The following CCDC33 variants were observed in gnomAD, a reference collection of about 807,000 sequenced individuals.
CCDC33 encodes the protein coiled-coil domain-containing protein 33.
In CCDC33, 94 loss-of-function variants were observed where a neutral mutation model predicts 91.9. That is an observed-to-expected ratio of 1.02 (90% CI 0.87 to 1.21). CCDC33 has a LOEUF of 1.21. CCDC33 is among the 50% of genes most tolerant of loss of function. The probability of loss-of-function intolerance (pLI) is 0.00; values close to 1 mark genes in which losing one functional copy is unlikely to be tolerated. For synonymous variants in CCDC33, 396 were observed against 374.5 expected (o/e 1.06, Z -0.66); for missense variants, 940 against 935.5 (o/e 1.00, Z -0.06).
At chr15:74,256,006 C>T (rs538116895) in intron 2 of CCDC33, among the ~76,000 whole-genome samples, 1 of 152,392 alleles carries the variant, frequency 6.6e-6, no homozygotes, top group Admixed American at 6.5e-5. Flanking sequence ...CAGCAAACAC[C>T]TGCTGGGCCC....
At chr15:74,220,941 G>GA (rs1362240468) in intron 2 of CCDC33, among the ~76,000 whole-genome samples, 9 of 152,174 alleles carry the variant, frequency 5.9e-5, no homozygotes, top group African/African-American at 2.2e-4. Context: ...CTGCTACTTG[G>GA]AGGCTCAAAG....
At chr15:74,276,678 C>G (rs1293550335) in intron 7 of CCDC33, among the ~76,000 whole-genome samples, 3 of 152,364 alleles carry the variant, frequency 2.0e-5, no homozygotes, top group Non-Finnish European at 1.5e-5. Flanking sequence ...GCCCTGTGCC[C>G]TCCAGCCTCC....
chr15:74,236,794 G>T, intron 1 of CCDC33, 54 bp downstream of exon 1: 1 of 1,571,938 alleles, frequency 6.4e-7, no homozygotes. Context: ...CTCCTTCAAA[G>T]TCCTTCCTTC....
At chr15:74,259,822 C>T (rs900884051) in intron 2 of CCDC33, among the ~76,000 whole-genome samples, 5 of 152,214 alleles carry the variant, frequency 3.3e-5, no homozygotes, top group African/African-American at 1.2e-4. Flanking sequence ...TGACTTCACA[C>T]CTTCATTTGT....
chr15:74,224,111 G>T (rs74854826), intron 2 of CCDC33, among the ~76,000 whole-genome samples: 2 of 152,266 alleles, frequency 1.3e-5, no homozygotes, highest in East Asian at 1.9e-4. Context: ...TGTCACCCAC[G>T]CAGGGAGGGG....
intron 11 of CCDC33, among the ~76,000 whole-genome samples, chr15:74,307,140 T>C (rs891527092): frequency 1.3e-5 from 2 of 152,230 alleles, no homozygotes; most frequent in Non-Finnish European, 2.9e-5. Flanking sequence ...AAAGCCAAGA[T>C]GATGAGGCCA....
intron 10 of CCDC33, among the ~76,000 whole-genome samples, chr15:74,284,853 A>G (rs148871180): frequency 1.3e-5 from 2 of 152,350 alleles, no homozygotes; most frequent in African/African-American, 2.4e-5. Context: ...CAACTTCATC[A>G]TGGAAGGTAC....
At chr15:74,250,390 C>T (rs1307084387) in intron 2 of CCDC33, among the ~76,000 whole-genome samples, 1 of 152,178 alleles carries the variant, frequency 6.6e-6, no homozygotes, top group African/African-American at 2.4e-5. Context: ...TCTCTTTGCT[C>T]CAGCCACACT....
At chr15:74,270,998 C>G (rs1035030459) in intron 5 of CCDC33, among the ~76,000 whole-genome samples, 1 of 152,038 alleles carries the variant, frequency 6.6e-6, no homozygotes, top group Admixed American at 6.5e-5. Flanking sequence ...GAGTGACAAC[C>G]GGGATCTGAT....
chr15:74,282,691 G>GT (rs2059392632), intron 10 of CCDC33, among the ~76,000 whole-genome samples: 1 of 152,150 alleles, frequency 6.6e-6, no homozygotes, highest in African/African-American at 2.4e-5. Flanking sequence ...TTGGAGGCCC[G>GT]TTTTTGGAAT....
chr15:74,321,310 G>A (rs2060202058), intron 11 of CCDC33, among the ~76,000 whole-genome samples: 1 of 151,872 alleles, frequency 6.6e-6, no homozygotes, highest in Non-Finnish European at 1.5e-5. Context: ...GAGTTCAGAG[G>A]CACGATCTCA....
At position 74,244,291 on chromosome 15, in the gene CCDC33, C is replaced by G. The variant is rs2075448380; in HGVS notation, c.185+143C>G. On this transcript the variant is annotated intron_variant, in intron 2 of 18. Transcript: ENST00000398814. This position sits in a 1 kb window ranked among gnomAD's most constrained non-coding sequence, Gnocchi z 4.2. ...AGGGGAGGAGCTGCTGTGGGCACTA[C>G]CTGGCATCTCCGCTGCTGCATGGGA... is the stretch of plus-strand genomic sequence containing the variant. 9.3e-7 allele frequency: 1 copy of G among 1,077,686 alleles called. No individual in the cohort carries two copies. The highest frequency in any genetic ancestry group is 1.3e-6 in the Non-Finnish European group (1 of 778,662). The allele number at this position is 1,077,686 out of a possible 1,614,324, so 66.8% of individuals were successfully genotyped here.
intron 2 of CCDC33, among the ~76,000 whole-genome samples, chr15:74,230,771 T>C (rs1357123775): frequency 6.6e-6 from 1 of 152,118 alleles, no homozygotes; most frequent in African/African-American, 2.4e-5. Context: ...CATTCTCTTA[T>C]CTAATCCTCG....
intron 2 of CCDC33, among the ~76,000 whole-genome samples, chr15:74,250,214 C>T (rs1051205784): frequency 1.3e-5 from 2 of 152,214 alleles, no homozygotes; most frequent in Non-Finnish European, 2.9e-5. Flanking sequence ...CTCTTGCTCC[C>T]TGAAGATCCC....
rs911208672 is a variant in CCDC33 at position 74,336,066 on chromosome 15, G to A, written c.*13G>A. 3 of 1,613,228 alleles carry A rather than the reference G, an allele frequency of 1.9e-6. No individual in the cohort carries two copies. Among genetic ancestry groups the A allele is most frequent in the Non-Finnish European group, 8.5e-7 (1 of 1,179,886 alleles). On this transcript the variant is annotated 3_prime_UTR_variant, in exon 19 of 19. Coordinates refer to ENST00000398814, the MANE Select transcript of CCDC33 (RefSeq NM_025055.5). ...TCAGCAGACCTGAGCCCCAGAGCAG[G>A]CCTCCTTCCCTGTGTGCTGGGGAGT...
chr15:74,219,046 T>A (rs2074520509), intron 2 of CCDC33, among the ~76,000 whole-genome samples: 1 of 152,160 alleles, frequency 6.6e-6, no homozygotes, highest in Non-Finnish European at 1.5e-5. Flanking sequence ...CCAGTTACAA[T>A]GGGCAGACAG....
rs1659853178 is a variant in CCDC33 at position 74,280,806 on chromosome 15, GC to G, written c.1023+10del. On this transcript the variant is annotated splice_donor_region_variant and intron_variant, in intron 9 of 18. Transcript: ENST00000398814. ...GTGGAGCGGCTCCCCATCATGGTGA[GC>G]CCCCTGCCCTGAACTGGGCCCCTAG... is the stretch of plus-strand genomic sequence containing the variant. 3.3e-6 allele frequency: 5 copies of G among 1,500,824 alleles called. No homozygotes were observed. Among genetic ancestry groups the G allele is most frequent in the South Asian group, 1.4e-5 (1 of 72,760 alleles). 93.0% of individuals were successfully genotyped at this position (1,500,824 alleles called of 1,614,324 possible). A position where few individuals can be genotyped will look rare whatever the true frequency, so the allele number is the denominator to read the frequency against.
At position 74,319,258 on chromosome 15, in the gene CCDC33, G is replaced by A. The variant is rs142369535; in HGVS notation, c.1291-10931G>A. Among the ~76,000 whole-genome samples the A allele has an allele frequency of 6.5e-3, 983 of 152,352 alleles. 9 individuals are homozygous for A. The highest frequency in any genetic ancestry group is 0.023 in the African/African-American group (944 of 41,588). On this transcript the variant is annotated intron_variant, in intron 11 of 18. Transcript: ENST00000398814. ...CCACAGGGTGCAGATGAGCAGGCAC[G>A]GAGTGGGCAAGGGCCTCGCTTCGGG...
chr15:74,203,060 C>A, exon 1 of CCDC33: 2 of 985,696 alleles, frequency 2.0e-6, no homozygotes, highest in Non-Finnish European at 2.4e-6. Context: ...TCTGCAGTGC[C>A]GCACACAGAC....
Sources: gnomAD v4.1 joint callset for allele counts (sites outside exome capture counted in the v4.1 genomes callset) on GRCh38, gnomAD v4.1.1 for gene constraint, Gnocchi (gnomAD v3.1) non-coding constraint, MANE v1.5 for transcripts, NCBI Gene and HGNC (gene_info 2026-07-23, HGNC 2026-07-21) for gene names.